COLEC10: variants seen among roughly 807,000 people sequenced by gnomAD.
COLEC10 encodes collectin subfamily member 10.
COLEC10 carries 22 observed loss-of-function variants against 28.4 expected under a neutral mutation model. The observed-to-expected ratio is 0.78, with a 90% confidence interval of 0.55 to 1.11. The LOEUF (loss-of-function observed/expected upper bound fraction) is 1.11. Among genes scored for constraint, COLEC10 ranks in the 50% least tolerant of loss-of-function variants. The probability of loss-of-function intolerance (pLI) is 0.00; values close to 1 mark genes in which losing one functional copy is unlikely to be tolerated. For synonymous variants in COLEC10, 125 were observed against 116.1 expected, an observed-to-expected ratio of 1.08 and a Z score of -0.49; for missense variants, 361 against 344.1, an observed-to-expected ratio of 1.05 and a Z score of -0.39.
chr8:118,959,116 A>C, the COLEC10 span, among the ~76,000 whole-genome samples: 1 of 152,318 alleles, frequency 6.6e-6, no homozygotes, highest in Admixed American at 6.5e-5. Flanking sequence ...TGGTTGTTAG[A>C]TGTGGGGAGA....
At chr8:118,984,629 C>T in the COLEC10 span, among the ~76,000 whole-genome samples, 276 of 152,078 alleles carry the variant, frequency 1.8e-3, 2 homozygotes, top group African/African-American at 5.7e-3. Context: ...GGGAAAGCAC[C>T]GTGTGATGAT....
At chr8:119,092,626 C>T (rs1465297742) in intron 3 of COLEC10, among the ~76,000 whole-genome samples, 1 of 152,084 alleles carries the variant, frequency 6.6e-6, no homozygotes, top group Non-Finnish European at 1.5e-5. Flanking sequence ...GAATTAGAGG[C>T]CGGATGCAGT....
At chr8:118,965,714 A>T in the COLEC10 span, among the ~76,000 whole-genome samples, 1 of 152,004 alleles carries the variant, frequency 6.6e-6, no homozygotes, top group African/African-American at 2.4e-5. Context: ...AAAACAAGAA[A>T]AGAAGAAAAG....
intron 1 of COLEC10, among the ~76,000 whole-genome samples, chr8:119,084,545 T>C (rs1815432017): frequency 6.6e-6 from 1 of 152,228 alleles, no homozygotes; most frequent in Non-Finnish European, 1.5e-5. Flanking sequence ...CATTTCTTCC[T>C]TGTATGAGAT....
chr8:118,988,710 A>G, the COLEC10 span, among the ~76,000 whole-genome samples: 1 of 152,212 alleles, frequency 6.6e-6, no homozygotes, highest in East Asian at 1.9e-4. Flanking sequence ...TTATAGCTGG[A>G]AAAGCTGCAT....
At chr8:119,065,991 A>T (rs780472416), upstream of COLEC10, among the ~76,000 whole-genome samples, 4 of 152,200 alleles carry the variant, frequency 2.6e-5, no homozygotes. Context: ...AAGGGTTGGC[A>T]CTGGTTTTAG....
intron 2 of COLEC10, among the ~76,000 whole-genome samples, chr8:119,061,984 G>A (rs1814863926): frequency 6.6e-6 from 1 of 151,986 alleles, no homozygotes; most frequent in East Asian, 1.9e-4. Flanking sequence ...TAGTTATGAT[G>A]GGTTTGGTAC....
At chr8:119,035,529 C>A (rs185282306) in intron 2 of COLEC10, among the ~76,000 whole-genome samples, 8 of 149,800 alleles carry the variant, frequency 5.3e-5, no homozygotes, top group East Asian at 2.0e-4. Context: ...TATACAGATC[C>A]CTTCTCAGAG....
upstream of COLEC10, chr8:119,063,192 C>T (rs1814889586): frequency 6.6e-6 from 1 of 152,164 alleles, no homozygotes; most frequent in Non-Finnish European, 1.5e-5. Flanking sequence ...GTTGCTGGGT[C>T]TCTGTCAGGC....
At chr8:118,978,343 T>C in the COLEC10 span, among the ~76,000 whole-genome samples, 1 of 152,048 alleles carries the variant, frequency 6.6e-6, no homozygotes, top group African/African-American at 2.4e-5. Flanking sequence ...GTCTCAAATA[T>C]CCAACCAAAA....
At chr8:118,964,303 C>A in the COLEC10 span, among the ~76,000 whole-genome samples, 60,935 of 151,936 alleles carry the variant, frequency 0.4, 12,925 homozygotes, top group African/African-American at 0.55. Flanking sequence ...CTTTCTATCC[C>A]CCAAGATTAC....
chr8:119,061,911 A>T (rs992990263), intron 2 of COLEC10, among the ~76,000 whole-genome samples: 7 of 152,180 alleles, frequency 4.6e-5, no homozygotes, highest in African/African-American at 1.7e-4. Context: ...TTTCTAAGAA[A>T]AGTAAAGGAA....
At chr8:119,074,934 A>G (rs536544398) in intron 1 of COLEC10, among the ~76,000 whole-genome samples, 1 of 152,208 alleles carries the variant, frequency 6.6e-6, no homozygotes, top group Non-Finnish European at 1.5e-5. Flanking sequence ...TGACTTCTTC[A>G]TAGGGATGTG....
At chr8:119,034,580 G>C (rs115834916) in intron 2 of COLEC10, among the ~76,000 whole-genome samples, 1 of 152,042 alleles carries the variant, frequency 6.6e-6, no homozygotes, top group Admixed American at 6.6e-5. Context: ...GTGTGGTGGC[G>C]GATGCCTATA....
chr8:119,082,897 G>T (rs1233483465), intron 1 of COLEC10, among the ~76,000 whole-genome samples: 1 of 152,166 alleles, frequency 6.6e-6, no homozygotes, highest in Non-Finnish European at 1.5e-5. Context: ...GGTAGGGTTA[G>T]GTGTTTCCTC....
chr8:119,056,984 T>A (rs1814773346), intron 2 of COLEC10, among the ~76,000 whole-genome samples: 1 of 152,086 alleles, frequency 6.6e-6, no homozygotes, highest in African/African-American at 2.4e-5. Flanking sequence ...TCTGTCTATA[T>A]GGAATATTCT....
intron 2 of COLEC10, among the ~76,000 whole-genome samples, chr8:119,012,021 G>A (rs1378903343): frequency 6.6e-6 from 1 of 150,714 alleles, no homozygotes; most frequent in African/African-American, 2.5e-5. Context: ...TAGTGAGAGA[G>A]GATATCCTTG....
chr8:118,982,070 G>C, the COLEC10 span, among the ~76,000 whole-genome samples: 1 of 151,986 alleles, frequency 6.6e-6, no homozygotes, highest in Non-Finnish European at 1.5e-5. Flanking sequence ...AAGAAGAACA[G>C]ACTAGCTCAG....
the COLEC10 span, among the ~76,000 whole-genome samples, chr8:118,986,243 T>A: frequency 9.2e-5 from 14 of 152,230 alleles, no homozygotes; most frequent in Non-Finnish European, 1.3e-4. Flanking sequence ...ATATTATATC[T>A]ATAGAAAAGA....
Sources: gnomAD v4.1 joint callset for allele counts (sites outside exome capture counted in the v4.1 genomes callset) on GRCh38, gnomAD v4.1.1 for gene constraint, MANE v1.5 for transcripts, NCBI Gene and HGNC (gene_info 2026-07-23, HGNC 2026-07-21) for gene names.